RSRP1: variants seen among roughly 807,000 people sequenced by gnomAD.
The protein encoded by RSRP1 is arginine and serine rich protein 1.
A neutral mutation model predicts 33.0 loss-of-function variants in RSRP1; 37 were observed. The ratio of observed to expected loss-of-function variants is 1.12; its 90% CI spans 0.86 to 1.48. The LOEUF is 1.48. Ranked by LOEUF, RSRP1 falls within the 40% of genes most tolerant of loss-of-function variation. The probability of loss-of-function intolerance (pLI) is 0.00; values close to 1 mark genes in which losing one functional copy is unlikely to be tolerated. For missense variants in RSRP1, 402 were observed against 385.3 expected (o/e 1.04, Z -0.36); for synonymous variants, 167 against 158.7 (o/e 1.05, Z -0.40).
chr1:25,286,512 C>T (rs1642007969), intron 1 of RSRP1, among the ~76,000 whole-genome samples: 2 of 134,960 alleles, frequency 1.5e-5, no homozygotes, highest in East Asian at 1.9e-4. Context: ...AGGGGCCGGG[C>T]GCAGTGGTTC....
chr1:25,251,313 GTTAT>G (rs1193250598), upstream of RSRP1, among the ~76,000 whole-genome samples: 2 of 151,944 alleles, frequency 1.3e-5, no homozygotes, highest in Admixed American at 6.6e-5. Flanking sequence ...TAACATTATG[GTTAT>G]TTATTACCAC....
At chr1:25,273,120 T>C (rs1571559276) in intron 1 of RSRP1, among the ~76,000 whole-genome samples, 1 of 130,516 alleles carries the variant, frequency 7.7e-6, no homozygotes, top group South Asian at 2.4e-4. Context: ...TTGTTTCCTT[T>C]TTGTGGCCTC....
intron 1 of RSRP1, among the ~76,000 whole-genome samples, chr1:25,330,839 T>A (rs1329068545): frequency 7.7e-6 from 1 of 129,764 alleles, no homozygotes; most frequent in South Asian, 2.4e-4. Context: ...AAGTTCAAGG[T>A]GCCGGCAAGG....
intron 1 of RSRP1, 37 bp from the exon 2 acceptor site, chr1:25,247,066 G>A (rs1452277635): frequency 1.6e-6 from 2 of 1,259,574 alleles, no homozygotes; most frequent in Admixed American, 2.8e-5. Context: ...GTCGAGTCGC[G>A]GAAGCCGGCG....
rs1394055464 is a variant in RSRP1 at position 25,269,943 on chromosome 1, G to A, written c.-66-22914C>T. Among the ~76,000 whole-genome samples the A allele has an allele frequency of 4.6e-5, 6 of 131,776 alleles. 2 individuals carry two copies. The highest frequency in any genetic ancestry group is 7.4e-5 in the Admixed American group (1 of 13,596). 86.5% of individuals were successfully genotyped at this position (131,776 alleles called of 152,430 possible). A position where few individuals can be genotyped will look rare whatever the true frequency, so the allele number is the denominator to read the frequency against. On this transcript the variant is annotated intron_variant, in intron 1 of 1. Coordinates refer to the RSRP1 transcript ENST00000561867. Reference sequence around the variant, plus strand: ...GCTGGTAAACATGCCCATCAGGTCCGGGGGTTGGCATTGCCTGGACATCTT... The same window carrying A: ...GCTGGTAAACATGCCCATCAGGTCCAGGGGTTGGCATTGCCTGGACATCTT...
In RSRP1 at chr1:25,245,170, T is replaced by C; in HGVS notation, c.652A>G (p.Ser218Gly). ...CTTACTTCAGGCTTTGCACCATTAC[T>C]TGATACACCTATTCCACGGCTTGTT... The part of the protein sequence containing the change: ...KETSRGIGVS[S>G]NGAKPELSEK... Residue 218 changes from serine to glycine, a missense_variant, in exon 3 of 5, where the codon AGT becomes GGT. Coordinates refer to ENST00000243189, the MANE Select transcript of RSRP1 (RefSeq NM_020317.5). 1 of 1,614,232 alleles carries C rather than the reference T, an allele frequency of 6.2e-7. No homozygotes were observed. The highest frequency in any genetic ancestry group is 8.5e-7 in the Non-Finnish European group (1 of 1,180,046).
chr1:25,261,794 CTCTG>C (rs1172458618), intron 1 of RSRP1, among the ~76,000 whole-genome samples: 1 of 149,532 alleles, frequency 6.7e-6, no homozygotes, highest in Non-Finnish European at 1.5e-5. Flanking sequence ...TCACTGCAAC[CTCTG>C]TCTACCATGT....
chr1:25,263,230 T>C (rs1160603516), intron 1 of RSRP1, among the ~76,000 whole-genome samples: 2 of 151,578 alleles, frequency 1.3e-5, no homozygotes, highest in African/African-American at 4.9e-5. Context: ...GACGGATAAG[T>C]GATCTAACTC....
chr1:25,296,152 C>T lies in RSRP1; in HGVS notation c.-67+41826G>A, dbSNP rs1244091747. ...TGCTGGGATTAGAGGTGTGAGCCAC[C>T]GCGCCCAGCCTGGAAGTTTGTATTT... On this transcript the variant is annotated intron_variant, in intron 1 of 1. Coordinates refer to the RSRP1 transcript ENST00000561867. Among the ~76,000 whole-genome samples, 30 of 119,086 alleles carry T rather than the reference C, an allele frequency of 2.5e-4. 3 individuals carry two copies. The highest frequency in any genetic ancestry group is 4.8e-4 in the African/African-American group (17 of 35,304). The allele number at this position is 119,086 out of a possible 152,430, so 78.1% of individuals were successfully genotyped here.
At chr1:25,286,080 C>G (rs660312) in intron 1 of RSRP1, among the ~76,000 whole-genome samples, 1 of 135,418 alleles carries the variant, frequency 7.4e-6, no homozygotes, top group Non-Finnish European at 1.8e-5. Context: ...GAGATGGCTC[C>G]AACTTTTTAT....
chr1:25,284,370 C>T (rs1343628347), intron 1 of RSRP1, among the ~76,000 whole-genome samples: 4 of 135,696 alleles, frequency 2.9e-5, no homozygotes, highest in Non-Finnish European at 7.0e-5. Context: ...TAATCCTTAT[C>T]TTATCCCCAC....
intron 3 of RSRP1, 40 bp downstream of exon 3, chr1:25,245,110 C>T (rs1639241136): frequency 6.2e-7 from 1 of 1,613,998 alleles, no homozygotes; most frequent in African/African-American, 1.3e-5. Flanking sequence ...TGACAGTTGG[C>T]TTTCTGAAAG....
In RSRP1 at chr1:25,285,650, A is replaced by C. The variant is rs1398338694; in HGVS notation, c.-66-38621T>G. The stretch of plus-strand genomic sequence containing the variant: ...ATTGATTAGGAAGGAACACAAAATA[A>C]CCGCATGGGGTGCAGAAAATGTTCT... On this transcript the variant is annotated intron_variant, in intron 1 of 1. Coordinates refer to the RSRP1 transcript ENST00000561867. Among the ~76,000 whole-genome samples, 2 of 135,264 alleles carry C rather than the reference A, an allele frequency of 1.5e-5. 1 individual carries two copies. The highest frequency in any genetic ancestry group is 5.1e-5 in the African/African-American group (2 of 39,154). The allele number at this position is 135,264 out of a possible 152,430, so 88.7% of individuals were successfully genotyped here.
chr1:25,321,066 G>A (rs1644672008), intron 1 of RSRP1, among the ~76,000 whole-genome samples: 1 of 130,178 alleles, frequency 7.7e-6, no homozygotes, highest in South Asian at 2.4e-4. Context: ...TAAAATCAAA[G>A]ACACTTAAAA....
chr1:25,267,909 C>A (rs1223853465), intron 1 of RSRP1: 1 of 132,708 alleles, frequency 7.5e-6, no homozygotes, highest in African/African-American at 2.6e-5. Context: ...CCCGGGCATG[C>A]GCAGACGCGT....
chr1:25,292,428 G>C (rs1642589321), intron 1 of RSRP1, among the ~76,000 whole-genome samples: 1 of 132,642 alleles, frequency 7.5e-6, no homozygotes, highest in Non-Finnish European at 1.8e-5. Flanking sequence ...GTGATGGGAA[G>C]TGGTTGGATC....
At chr1:25,250,549 T>C (rs1039185994), upstream of RSRP1, among the ~76,000 whole-genome samples, 19 of 152,212 alleles carry the variant, frequency 1.2e-4, no homozygotes, top group Non-Finnish European at 2.9e-5. Flanking sequence ...CCTAATTTCC[T>C]GGAACCTGTG....
chr1:25,260,480 C>A (rs1055713720), intron 1 of RSRP1, among the ~76,000 whole-genome samples: 15 of 151,992 alleles, frequency 9.9e-5, no homozygotes, highest in East Asian at 7.8e-4. Flanking sequence ...TTGAAGCCAC[C>A]CTCCAAACAC....
chr1:25,253,960 CTG>C (rs1395126281), intron 1 of RSRP1: 1 of 152,152 alleles, frequency 6.6e-6, no homozygotes, highest in Non-Finnish European at 1.5e-5. Context: ...AAAAGGAGCT[CTG>C]AGTGATTTTG....
Sources: gnomAD v4.1 joint callset for allele counts (sites outside exome capture counted in the v4.1 genomes callset) on GRCh38, gnomAD v4.1.1 for gene constraint, MANE v1.5 for transcripts, NCBI Gene and HGNC (gene_info 2026-07-23, HGNC 2026-07-21) for gene names.